MED12L: variants seen among roughly 807,000 people sequenced by gnomAD.
The protein encoded by MED12L is mediator of RNA polymerase II transcription subunit 12-like protein.
A neutral mutation model predicts 281.3 loss-of-function variants in MED12L; 60 were observed. The observed-to-expected ratio is 0.21, with a 90% CI of 0.17 to 0.26. The LOEUF is 0.26. Among genes scored for constraint, MED12L ranks in the 10% least tolerant of loss-of-function variants. MED12L has a pLI of 1.00. For synonymous variants in MED12L, 974 were observed against 987.2 expected (o/e 0.99, Z 0.25); for missense variants, 2,146 against 2,680.9 (o/e 0.80, Z 4.41).
At chr3:151,257,844 C>T (rs147935761) in intron 16 of MED12L, among the ~76,000 whole-genome samples, 1 of 152,292 alleles carries the variant, frequency 6.6e-6, no homozygotes, top group Non-Finnish European at 1.5e-5. Flanking sequence ...ATGAGAGTCA[C>T]ACAAATTTTT....
chr3:151,131,283 GAAACTT>G (rs1181314803), intron 5 of MED12L, among the ~76,000 whole-genome samples: 1 of 152,154 alleles, frequency 6.6e-6, no homozygotes, highest in East Asian at 1.9e-4. Flanking sequence ...TTTTACAACT[GAAACTT>G]AAAACGATTT....
intron 43 of MED12L, among the ~76,000 whole-genome samples, chr3:151,426,223 C>T (rs1560152475): frequency 6.6e-6 from 1 of 152,196 alleles, no homozygotes; most frequent in Non-Finnish European, 1.5e-5. Context: ...ATTTCTAGCA[C>T]ATTAGCTACA....
At chr3:151,189,503 C>G (rs369047994) in intron 13 of MED12L, among the ~76,000 whole-genome samples, 160 of 152,296 alleles carry the variant, frequency 1.1e-3, no homozygotes, top group Middle Eastern at 0.01. Flanking sequence ...CTTTGCTTCC[C>G]TCGTTTCTTC....
chr3:151,328,517 A>G (rs767732637), intron 16 of MED12L: 4 of 1,613,906 alleles, frequency 2.5e-6, no homozygotes, highest in African/African-American at 1.3e-5. Flanking sequence ...GTTGCTCAAG[A>G]TCGTATTTGG....
At chr3:151,309,520 C>A (rs1374812848) in intron 16 of MED12L, among the ~76,000 whole-genome samples, 2 of 152,164 alleles carry the variant, frequency 1.3e-5, no homozygotes, top group African/African-American at 4.8e-5. Flanking sequence ...CTGCACCAGA[C>A]CCTCCTTACC....
intron 5 of MED12L, among the ~76,000 whole-genome samples, chr3:151,146,519 TTGC>T (rs933205776): frequency 4.6e-5 from 7 of 152,172 alleles, no homozygotes; most frequent in African/African-American, 1.7e-4. Context: ...CATTTAGTGT[TTGC>T]TGCTACATAT....
intron 16 of MED12L, among the ~76,000 whole-genome samples, chr3:151,299,501 C>T (rs1321056070): frequency 7.1e-6 from 1 of 140,434 alleles, no homozygotes; most frequent in Non-Finnish European, 1.5e-5. Context: ...TTTTCTGATA[C>T]AGAGTCTTGC....
chr3:151,247,547 G>T (rs1229702807), intron 16 of MED12L, among the ~76,000 whole-genome samples: 1 of 148,062 alleles, frequency 6.8e-6, no homozygotes, highest in Admixed American at 6.8e-5. Flanking sequence ...TCACTCATAG[G>T]TGGGAATTGA....
chr3:151,343,394 G>T (rs1260220017), intron 16 of MED12L, among the ~76,000 whole-genome samples: 2 of 152,144 alleles, frequency 1.3e-5, no homozygotes, highest in African/African-American at 4.8e-5. Context: ...TTCAGTTCTT[G>T]ATCTAAATTA....
At chr3:151,361,057 T>A (rs1480364639) in intron 21 of MED12L, among the ~76,000 whole-genome samples, 2 of 152,164 alleles carry the variant, frequency 1.3e-5, no homozygotes, top group Non-Finnish European at 2.9e-5. Flanking sequence ...TTGCTTTATT[T>A]GTATCCCTCT....
At chr3:151,214,468 G>A (rs758918881) in intron 16 of MED12L, 2 of 602,438 alleles carry the variant, frequency 3.3e-6, no homozygotes, top group African/African-American at 1.9e-5. Flanking sequence ...TTTTTACTCT[G>A]TGTAAGTTAG....
intron 16 of MED12L, chr3:151,270,196 CGTGTGTGTGTGTG>C (rs1322863280): frequency 7.7e-6 from 1 of 129,646 alleles, no homozygotes; most frequent in Non-Finnish European, 1.5e-5. Context: ...AGCAAGCTGT[CGTGTGTGTGTGTG>C]TGTGTGTGTG....
At chr3:151,288,435 C>G (rs762955550) in intron 16 of MED12L, among the ~76,000 whole-genome samples, 2 of 151,830 alleles carry the variant, frequency 1.3e-5, no homozygotes, top group African/African-American at 2.4e-5. Flanking sequence ...GGAATCTTGT[C>G]AAGAATTATT....
At chr3:151,345,517 C>CTTTTT (rs201731496) in intron 16 of MED12L, among the ~76,000 whole-genome samples, 1 of 131,650 alleles carries the variant, frequency 7.6e-6, no homozygotes, top group Non-Finnish European at 1.6e-5. Context: ...TTTTCTTTTT[C>CTTTTT]TTTTTTTTTT....
rs188370993 is a variant in MED12L at position 151,214,495 on chromosome 3, C to T, written c.2250+20829C>T. ...GTAAGTTAGACACTCATCCCTCCCT[C>T]CCTCTGTTCTTCCTTTTCTTTCTTT... On this transcript the variant is annotated intron_variant, in intron 16 of 44. Coordinates refer to ENST00000687756, the MANE Select transcript of MED12L (RefSeq NM_001393769.1). Among the ~76,000 whole-genome samples the T allele has an allele frequency of 2.1e-4, 32 of 152,240 alleles. No homozygotes were observed. The East Asian group carries it at 5.6e-3, about 27-fold the overall frequency.
intron 39 of MED12L, among the ~76,000 whole-genome samples, chr3:151,402,316 A>G (rs372897166): frequency 3.3e-5 from 5 of 152,316 alleles, no homozygotes; most frequent in African/African-American, 1.2e-4. Context: ...AGAAATAGCA[A>G]TTTTCCCCAG....
chr3:151,175,679 G>A (rs1215252180), intron 11 of MED12L, among the ~76,000 whole-genome samples: 2 of 152,112 alleles, frequency 1.3e-5, no homozygotes, highest in Non-Finnish European at 2.9e-5. Flanking sequence ...CAACTATTAG[G>A]TTATTGAATT....
chr3:151,260,182 G>A (rs998868988), intron 16 of MED12L, among the ~76,000 whole-genome samples: 2 of 152,034 alleles, frequency 1.3e-5, no homozygotes, highest in Non-Finnish European at 2.9e-5. Context: ...TAATGGACAC[G>A]GTGTTTAAAA....
At chr3:151,205,589 G>C (rs1042840284) in intron 16 of MED12L, among the ~76,000 whole-genome samples, 8 of 152,068 alleles carry the variant, frequency 5.3e-5, no homozygotes, top group African/African-American at 1.9e-4. Context: ...TGTTGGGGTC[G>C]GTGGTCACTG....
Sources: allele counts gnomAD v4.1 joint callset (sites outside exome capture counted in the v4.1 genomes callset), GRCh38; gene constraint gnomAD v4.1.1; transcripts MANE v1.5; gene names NCBI Gene and HGNC (gene_info 2026-07-23, HGNC 2026-07-21).